TBC1D2B: variants seen among roughly 807,000 people sequenced by gnomAD.
TBC1D2B encodes TBC1 domain family, member 2B.
A neutral mutation model predicts 100.8 loss-of-function variants in TBC1D2B; 64 were observed. That is an observed-to-expected ratio of 0.64 (90% CI 0.52 to 0.78). TBC1D2B has a LOEUF of 0.78. Ranked by LOEUF, TBC1D2B falls within the 30% of genes least tolerant of loss-of-function variation. The pLI is 0.00. For missense variants in TBC1D2B, 1,052 were observed against 1,218.4 expected (o/e 0.86, Z 2.03); for synonymous variants, 480 against 479.7 (o/e 1.00, Z -0.01).
chr15:78,071,693 G>A (rs1323883853), intron 1 of TBC1D2B, among the ~76,000 whole-genome samples: 2 of 152,166 alleles, frequency 1.3e-5, no homozygotes, highest in Non-Finnish European at 2.9e-5. Flanking sequence ...CTGTATATTT[G>A]GGAGTTCTGG....
chr15:78,004,209 T>C (rs991953399), intron 10 of TBC1D2B, among the ~76,000 whole-genome samples: 2 of 152,228 alleles, frequency 1.3e-5, no homozygotes, highest in African/African-American at 4.8e-5. Flanking sequence ...GGGCCAGTGC[T>C]GGGCAGAGCG....
intron 4 of TBC1D2B, among the ~76,000 whole-genome samples, chr15:78,026,340 C>G (rs1241887997): frequency 6.6e-6 from 1 of 152,038 alleles, no homozygotes; most frequent in Non-Finnish European, 1.5e-5. Context: ...TAGTTATCAC[C>G]AGAGCAGGTT....
intron 8 of TBC1D2B, 30 bp downstream of exon 8, chr15:78,016,516 A>G: frequency 6.2e-7 from 1 of 1,603,554 alleles, no homozygotes; most frequent in Non-Finnish European, 8.5e-7. Context: ...AATGGGGTGC[A>G]CTACCCTCAA....
rs528172062 is a variant in TBC1D2B, at chr15:78,028,387, G to A, written c.847+1620C>T. Among the ~76,000 whole-genome samples the A allele has an allele frequency of 4.6e-5, 7 of 152,256 alleles. No homozygotes were observed. In the East Asian group the frequency reaches 7.7e-4, roughly 17 times the overall value. On this transcript the variant is annotated intron_variant, in intron 4 of 12. Transcript: ENST00000300584. ...TTACTCAGGAGGCTGAGGCAGAATC[G>A]CTTAACCCGGAAGGCGGAGGTTGCA... is the stretch of plus-strand genomic sequence containing the variant.
In TBC1D2B at chr15:78,016,640, T is replaced by C. The variant is rs757748142; in HGVS notation, c.1681A>G (p.Thr561Ala). The C allele has an allele frequency of 6.2e-6, 10 of 1,612,706 alleles. No individual in the cohort carries two copies. The South Asian group carries it at 1.1e-4, about 18-fold the overall frequency. ...AGCAACTGGGCTATGACCTCCCGGG[T>C]GGGCCCCTGGTCTTCTGAGCACACT... Reference protein sequence around the residue: ...TPVCSEDQGPTREVIAQLLED... With the variant: ...TPVCSEDQGPAREVIAQLLED... Residue 561 changes from threonine (T) to alanine (A), a missense_variant, in exon 8 of 13, where the codon ACC becomes GCC. By Grantham distance (58) the Thr-to-Ala change is moderately conservative (BLOSUM62 0). Around this residue, in one of 4 missense-constraint regions of TBC1D2B, gnomAD observed 373 missense variants for 464.9 expected, o/e 0.80. Coordinates refer to ENST00000300584, the MANE Select transcript of TBC1D2B (RefSeq NM_144572.2).
chr15:78,013,781 G>A (rs901241267), intron 8 of TBC1D2B, among the ~76,000 whole-genome samples: 7 of 152,096 alleles, frequency 4.6e-5, no homozygotes, highest in African/African-American at 1.7e-4. Flanking sequence ...GGATGTTCAC[G>A]TCCCAGTTAT....
At chr15:78,045,566 C>A (rs1172124259) in intron 2 of TBC1D2B, among the ~76,000 whole-genome samples, 1 of 152,176 alleles carries the variant, frequency 6.6e-6, no homozygotes, top group Non-Finnish European at 1.5e-5. Flanking sequence ...AAAGTTTGCA[C>A]ATCACAGAAT....
intron 1 of TBC1D2B, among the ~76,000 whole-genome samples, chr15:78,067,856 A>C (rs2073683381): frequency 6.6e-6 from 1 of 152,244 alleles, no homozygotes; most frequent in Non-Finnish European, 1.5e-5. Flanking sequence ...ATCAAACAGG[A>C]ACTAAGTCTT....
chr15:78,047,378 C>T (rs541593576), intron 2 of TBC1D2B, among the ~76,000 whole-genome samples: 1 of 152,210 alleles, frequency 6.6e-6, no homozygotes, highest in African/African-American at 2.4e-5. Context: ...TAAAGGAGAA[C>T]ACATCCAGGA....
chr15:78,077,610 C>T lies in TBC1D2B; in HGVS notation c.43G>A (p.Gly15Ser). ...GCCGCCCCCTGCGCCGCGCCCTCGC[C>T]GCCGCCGCCGCCCTCCTCCGCCCGG... ...GARAEEGGGG[G>S]EGAAQGAAAE... The change falls in exon 1 of 13, where the codon GGC becomes AGC. Residue 15 changes from glycine (G) to serine (S), a missense_variant. Physicochemically the swap from Gly to Ser is moderately conservative, Grantham distance 56 (BLOSUM62 0). Transcript: ENST00000300584. 4 of 1,037,006 alleles carry T rather than the reference C, an allele frequency of 3.9e-6. No homozygotes were observed. The highest frequency in any genetic ancestry group is 4.6e-6 in the Non-Finnish European group (4 of 863,604). The allele number at this position is 1,037,006 out of a possible 1,614,324, so 64.2% of individuals were successfully genotyped here.
intron 3 of TBC1D2B, among the ~76,000 whole-genome samples, chr15:78,033,562 A>G (rs761758707): frequency 4.6e-5 from 7 of 152,122 alleles, no homozygotes; most frequent in Non-Finnish European, 1.0e-4. Context: ...GAAATGTTCT[A>G]TTTTTCTTTA....
At chr15:78,068,377 C>T (rs71462550) in intron 1 of TBC1D2B, among the ~76,000 whole-genome samples, 1 of 99,942 alleles carries the variant, frequency 1.0e-5, no homozygotes, top group South Asian at 3.0e-4. Flanking sequence ...AGCACACACA[C>T]CACACCCACA....
At chr15:78,072,260 T>G (rs1433773385) in intron 1 of TBC1D2B, among the ~76,000 whole-genome samples, 1 of 152,210 alleles carries the variant, frequency 6.6e-6, no homozygotes, top group Non-Finnish European at 1.5e-5. Context: ...GAGACTCCCC[T>G]GCAATGAGGA....
chr15:78,069,072 A>G (rs1420880026), intron 1 of TBC1D2B, among the ~76,000 whole-genome samples: 1 of 152,094 alleles, frequency 6.6e-6, no homozygotes, highest in African/African-American at 2.4e-5. Context: ...GGAGGTGGGA[A>G]GTCTGCACCC....
intron 1 of TBC1D2B, among the ~76,000 whole-genome samples, chr15:78,073,999 CG>C (rs2073783293): frequency 1.3e-5 from 2 of 150,798 alleles, no homozygotes; most frequent in South Asian, 4.2e-4. Flanking sequence ...GTTTTAGAGT[CG>C]GGGTGTTTTT....
intron 3 of TBC1D2B, chr15:78,034,690 C>T: frequency 1.0e-6 from 1 of 985,470 alleles, no homozygotes; most frequent in Admixed American, 6.1e-5. Context: ...GTGCTCTCAC[C>T]TGCAGCTGAG....
chr15:78,064,602 T>C (rs932804226), intron 1 of TBC1D2B, among the ~76,000 whole-genome samples: 1 of 152,200 alleles, frequency 6.6e-6, no homozygotes, highest in Non-Finnish European at 1.5e-5. Context: ...ACAAGAATAT[T>C]GTAAGCAGCC....
chr15:78,018,812 T>C (rs2072441722), intron 6 of TBC1D2B, among the ~76,000 whole-genome samples: 1 of 152,204 alleles, frequency 6.6e-6, no homozygotes, highest in African/African-American at 2.4e-5. Flanking sequence ...AAAACTTCCT[T>C]AGACTTTCCT....
Position 78,025,499 on chromosome 15 carries a change from T to A in TBC1D2B, c.848-2A>T. On this transcript the variant is annotated splice_acceptor_variant, in intron 4 of 12. Coordinates refer to ENST00000300584, the MANE Select transcript of TBC1D2B (RefSeq NM_144572.2). LOFTEE classifies it high-confidence loss of function. The stretch of plus-strand genomic sequence containing the variant: ...AGGGGAATCCTGAGCCAGTTACTCC[T>A]ACATAAAAATAAAACTTGTATTTTA... 1 of 1,573,444 alleles carries A rather than the reference T, an allele frequency of 6.4e-7. No individual in the cohort carries two copies. The highest frequency in any genetic ancestry group is 8.6e-7 in the Non-Finnish European group (1 of 1,159,726).
Sources: allele counts gnomAD v4.1 joint callset (sites outside exome capture counted in the v4.1 genomes callset), GRCh38; gene constraint gnomAD v4.1.1; regional missense constraint gnomAD v4.1.1; transcripts MANE v1.5; gene names NCBI Gene and HGNC (gene_info 2026-07-23, HGNC 2026-07-21).